Variants in AFAP1L1 observed in about 807,000 individuals in gnomAD.
The protein encoded by AFAP1L1 is actin filament associated protein 1 like 1.
A neutral mutation model predicts 99.8 loss-of-function variants in AFAP1L1; 77 were observed. That is an observed-to-expected ratio of 0.77 (90% CI 0.64 to 0.93). The LOEUF (loss-of-function observed/expected upper bound fraction) is 0.93, where lower values mean the gene tolerates loss of function less well. Among genes scored for constraint, AFAP1L1 ranks in the 40% least tolerant of loss-of-function variants. The pLI is 0.00. For synonymous variants in AFAP1L1, 373 were observed against 395.3 expected, an observed-to-expected ratio of 0.94 and a Z score of 0.67; for missense variants, 893 against 996.8, an observed-to-expected ratio of 0.90 and a Z score of 1.40.
chr5:149,333,096 CA>C, intron 17 of AFAP1L1, among the ~76,000 whole-genome samples: 1 of 152,250 alleles, frequency 6.6e-6, no homozygotes, highest in Non-Finnish European at 1.5e-5. Context: ...GTCTCCACAA[CA>C]GCAGCACCAT....
intron 1 of AFAP1L1, among the ~76,000 whole-genome samples, chr5:149,278,781 C>G (rs939328425): frequency 6.6e-6 from 1 of 152,196 alleles, no homozygotes; most frequent in Admixed American, 6.5e-5. Flanking sequence ...CTCCCACTTG[C>G]TCTATCTTCC....
At chr5:149,334,266 C>T (rs538991731) in intron 17 of AFAP1L1, among the ~76,000 whole-genome samples, 1 of 152,294 alleles carries the variant, frequency 6.6e-6, no homozygotes, top group South Asian at 2.1e-4. Flanking sequence ...TGGGGTGTTT[C>T]CAACCTCATT....
chr5:149,317,978 TG>T (rs1386218069), intron 12 of AFAP1L1, 38 bp downstream of exon 12: 1 of 1,545,402 alleles, frequency 6.5e-7, no homozygotes, highest in East Asian at 2.4e-5. Flanking sequence ...GCTCTTGGTC[TG>T]GGGACTCTGG....
At chr5:149,283,414 A>C (rs1382415794) in intron 1 of AFAP1L1, among the ~76,000 whole-genome samples, 1 of 152,128 alleles carries the variant, frequency 6.6e-6, no homozygotes. Context: ...AGTTTTGGAG[A>C]ATTTTTTTTT....
chr5:149,327,611 A>G (rs1321803872), intron 15 of AFAP1L1, among the ~76,000 whole-genome samples: 2 of 152,180 alleles, frequency 1.3e-5, no homozygotes, highest in African/African-American at 4.8e-5. Flanking sequence ...GAAGAACCAA[A>G]TAAAAATCAT....
chr5:149,286,098 C>G (rs1263063888), intron 1 of AFAP1L1, among the ~76,000 whole-genome samples: 1 of 152,176 alleles, frequency 6.6e-6, no homozygotes, highest in Non-Finnish European at 1.5e-5. Context: ...GAAGTGGCAT[C>G]TAAACCAACT....
rs576885892 is a variant in AFAP1L1 at position 149,328,945 on chromosome 5, T to C, written c.1811-721T>C. Reference sequence around the variant, plus strand: ...AATTATTTGTTTTTATTGTCCATCATAGTGTTGAACCTGCAGTAGAACACC... The same window carrying C: ...AATTATTTGTTTTTATTGTCCATCACAGTGTTGAACCTGCAGTAGAACACC... On this transcript the variant is annotated intron_variant, in intron 15 of 18. Coordinates refer to ENST00000296721, the MANE Select transcript of AFAP1L1 (RefSeq NM_152406.4). 5.9e-5 allele frequency among the ~76,000 whole-genome samples: 9 copies of C among 152,298 alleles called. No individual in the cohort carries two copies. In the South Asian group the frequency reaches 1.5e-3, roughly 25 times the overall value.
intron 6 of AFAP1L1, 27 bp downstream of exon 6, chr5:149,306,431 C>A: frequency 6.3e-7 from 1 of 1,581,038 alleles, no homozygotes; most frequent in African/African-American, 1.3e-5. Flanking sequence ...CGTCCAGATG[C>A]TGGGCAGGGC....
rs1464149805 is a variant in AFAP1L1, at chr5:149,316,136, C to G, written c.1115-15C>G. ...TCAGGGCTCCCTCCACTCCCCTGACCCATTTCCCCAACAGGCAAAGGGAAG... is the reference window on the plus strand; with the variant it reads ...TCAGGGCTCCCTCCACTCCCCTGACGCATTTCCCCAACAGGCAAAGGGAAG... On this transcript the variant is annotated splice_polypyrimidine_tract_variant and intron_variant, in intron 10 of 18. Transcript: ENST00000296721. 15 of 1,611,078 alleles carry G rather than the reference C, an allele frequency of 9.3e-6. No homozygotes were observed. Among genetic ancestry groups the G allele is most frequent in the Middle Eastern group, 1.6e-4 (1 of 6,078 alleles).
intron 1 of AFAP1L1, among the ~76,000 whole-genome samples, chr5:149,284,288 G>C (rs1438034715): frequency 6.6e-6 from 1 of 152,224 alleles, no homozygotes; most frequent in East Asian, 1.9e-4. Flanking sequence ...ATAGAGAAAG[G>C]AGAGTATGAC....
rs1166953477 is a variant in AFAP1L1 at position 149,335,469 on chromosome 5, C to CA, written c.2155-124dup. 5.4e-6 allele frequency: 7 copies of CA among 1,302,250 alleles called. No homozygotes were observed. In the African/African-American group the frequency reaches 7.6e-5, roughly 14 times the overall value. The allele number at this position is 1,302,250 out of a possible 1,614,324, so 80.7% of individuals were successfully genotyped here. ...TGCCACTGCGCTCCCGCCTGGGTGACAGAGACTCTGTCTCAAAAATAAAAA... is the reference window on the plus strand; with the variant it reads ...TGCCACTGCGCTCCCGCCTGGGTGACAAGAGACTCTGTCTCAAAAATAAAAA... On this transcript the variant is annotated intron_variant, in intron 17 of 18. Transcript: ENST00000296721.
At chr5:149,339,827 A>C (rs751636827) in intron 18 of AFAP1L1, among the ~76,000 whole-genome samples, 180 bp from the exon 19 acceptor site, 3 of 152,222 alleles carry the variant, frequency 2.0e-5, no homozygotes, top group Non-Finnish European at 4.4e-5. Flanking sequence ...ATGAAGGGAC[A>C]AGAGATACCA....
chr5:149,302,979 C>A (rs1223356383), intron 5 of AFAP1L1, among the ~76,000 whole-genome samples: 4 of 152,080 alleles, frequency 2.6e-5, no homozygotes, highest in Non-Finnish European at 5.9e-5. Context: ...GTTAGGTTAT[C>A]GAGTCAATGC....
At position 149,317,831 on chromosome 5, in the gene AFAP1L1, A is replaced by G. The variant is rs1188822067; in HGVS notation, c.1370A>G (p.His457Arg). Residue 457 changes from histidine to arginine, a missense_variant, in exon 12 of 19, where the codon CAT becomes CGT. By Grantham distance (29) the His-to-Arg change is conservative. Transcript: ENST00000296721. The stretch of plus-strand genomic sequence containing the variant: ...AAGGATCACATGGACCTGCGAACCC[A>G]TGTGAACGCCATCGCCCTGCAAGGC... ...FHKDHMDLRT[H>R]VNAIALQGCE... 1 of 1,612,446 alleles carries G rather than the reference A, an allele frequency of 6.2e-7. No homozygotes were observed. Among genetic ancestry groups the G allele is most frequent in the Non-Finnish European group, 8.5e-7 (1 of 1,179,380 alleles).
chr5:149,309,902 CCCT>C (rs1172554616), intron 7 of AFAP1L1, 51 bp from the exon 8 acceptor site: 2 of 1,608,356 alleles, frequency 1.2e-6, no homozygotes, highest in African/African-American at 2.7e-5. Context: ...GAGGATGTCT[CCCT>C]CCTCTACCCT....
At chr5:149,291,559 GAA>G (rs1268418169) in intron 1 of AFAP1L1, among the ~76,000 whole-genome samples, 5 of 102,010 alleles carry the variant, frequency 4.9e-5, no homozygotes, top group Non-Finnish European at 1.0e-4. Flanking sequence ...AAGAAAGAAA[GAA>G]GAGAAAAGCC....
chr5:149,298,529 G>A (rs767166450), intron 1 of AFAP1L1, among the ~76,000 whole-genome samples: 4 of 152,136 alleles, frequency 2.6e-5, no homozygotes, highest in African/African-American at 4.8e-5. Context: ...CTTGATATAC[G>A]ATTTAAATGA....
chr5:149,272,789 G>A (rs1393896715), intron 1 of AFAP1L1, among the ~76,000 whole-genome samples: 1 of 134,056 alleles, frequency 7.5e-6, no homozygotes, highest in Non-Finnish European at 1.7e-5. Flanking sequence ...TGCAACCTCC[G>A]CCTCCCGGGT....
intron 1 of AFAP1L1, among the ~76,000 whole-genome samples, chr5:149,273,478 A>G (rs537736290): frequency 6.6e-6 from 1 of 152,130 alleles, no homozygotes; most frequent in South Asian, 2.1e-4. Flanking sequence ...CCTGGCTTCC[A>G]GTTCAACCTC....
Sources: gnomAD v4.1 joint callset for allele counts (sites outside exome capture counted in the v4.1 genomes callset) on GRCh38, gnomAD v4.1.1 for gene constraint, MANE v1.5 for transcripts, NCBI Gene and HGNC (gene_info 2026-07-23, HGNC 2026-07-21) for gene names.